Variants in SIPA1L1 observed in about 807,000 individuals in gnomAD.
SIPA1L1 encodes the protein signal induced proliferation associated 1 like 1.
In SIPA1L1, 26 loss-of-function variants were observed where a neutral mutation model predicts 162.7. The observed-to-expected ratio is 0.16, with a 90% CI of 0.12 to 0.22. The LOEUF (loss-of-function observed/expected upper bound fraction) is 0.22, where lower values mean the gene tolerates loss of function less well. Among genes scored for constraint, SIPA1L1 ranks in the 10% least tolerant of loss-of-function variants. The pLI is 1.00. For synonymous variants in SIPA1L1, 829 were observed against 837.4 expected (o/e 0.99, Z 0.17); for missense variants, 1,874 against 2,241.0 (o/e 0.84, Z 3.31).
At chr14:71,536,022 G>T (rs1045575470) in intron 4 of SIPA1L1, among the ~76,000 whole-genome samples, 1 of 151,276 alleles carries the variant, frequency 6.6e-6, no homozygotes, top group Non-Finnish European at 1.5e-5. Context: ...GCAGCTTCAC[G>T]TAACTTAACA....
intron 2 of SIPA1L1, among the ~76,000 whole-genome samples, chr14:71,455,729 A>G (rs1421856744): frequency 6.6e-6 from 1 of 152,192 alleles, no homozygotes; most frequent in East Asian, 1.9e-4. Context: ...ATTGGTTTCT[A>G]CAAGGTCACA....
At chr14:71,715,495 G>A (rs1192189311) in intron 17 of SIPA1L1, among the ~76,000 whole-genome samples, 1 of 152,212 alleles carries the variant, frequency 6.6e-6, no homozygotes, top group Non-Finnish European at 1.5e-5. Context: ...AAACTCAGTG[G>A]CTAATGGATA....
At chr14:71,488,694 G>A (rs1481798898) in intron 2 of SIPA1L1, among the ~76,000 whole-genome samples, 1 of 152,162 alleles carries the variant, frequency 6.6e-6, no homozygotes, top group Non-Finnish European at 1.5e-5. Context: ...TTGTCACTGA[G>A]ACTCTTGGTC....
At chr14:71,382,120 A>G (rs916302547) in intron 2 of SIPA1L1, among the ~76,000 whole-genome samples, 1 of 152,192 alleles carries the variant, frequency 6.6e-6, no homozygotes, top group Non-Finnish European at 1.5e-5. Flanking sequence ...TGCTAATTAA[A>G]GTTTAGAATT....
chr14:71,444,849 T>C (rs1252019137), intron 2 of SIPA1L1, among the ~76,000 whole-genome samples: 4 of 152,168 alleles, frequency 2.6e-5, no homozygotes, highest in Non-Finnish European at 5.9e-5. Context: ...TGGAATGTTA[T>C]AAAGAAGCTG....
At position 71,356,567 on chromosome 14, in the gene SIPA1L1, C is replaced by CAA. The variant is rs71105772; in HGVS notation, c.-465+35405_-465+35406dup. ...GCAACATAGCAAGACCTTGTCTCTA[C>CAA]AAAAAAAAAAAAAAAAAAAAGCACA... On this transcript the variant is annotated intron_variant, in intron 2 of 23. Coordinates refer to ENST00000381232, the MANE Select transcript of SIPA1L1 (RefSeq NM_001386936.1). 6.9e-4 allele frequency among the ~76,000 whole-genome samples: 27 copies of CAA among 39,158 alleles called. 4 individuals are homozygous for CAA. Among genetic ancestry groups the CAA allele is most frequent in the South Asian group, 1.3e-3 (1 of 786 alleles). The allele number at this position is 39,158 out of a possible 152,430, so 25.7% of individuals were successfully genotyped here.
intron 5 of SIPA1L1, among the ~76,000 whole-genome samples, chr14:71,614,149 C>T (rs917995502): frequency 6.0e-5 from 9 of 150,822 alleles, no homozygotes; most frequent in African/African-American, 1.5e-4. Context: ...ACCCAGGAGG[C>T]GGAGGTTGCA....
rs767200386 is a variant in SIPA1L1, at chr14:71,671,456, G to T, written c.2593G>T (p.Ala865Ser). Reference sequence around the variant, plus strand: ...GGGGGCCATTGTATGGGCAGTCCGGGCTGAAGACTACAACAAGGCCATGGA... The same window carrying T: ...GGGGGCCATTGTATGGGCAGTCCGGTCTGAAGACTACAACAAGGCCATGGA... ...SMGAIVWAVRAEDYNKAMELD... is the reference protein window; with the variant it reads ...SMGAIVWAVRSEDYNKAMELD... The change falls in exon 11 of 24, where the codon GCT becomes TCT. Residue 865 changes from alanine to serine, a missense_variant. Around this residue, in one of 5 missense-constraint regions of SIPA1L1, gnomAD observed 243 missense variants for 315.0 expected, o/e 0.77. Transcript: ENST00000381232. 13 of 1,614,034 alleles carry T rather than the reference G, an allele frequency of 8.1e-6. 2 individuals are homozygous for T. The South Asian group carries it at 1.1e-4, about 14-fold the overall frequency.
chr14:71,691,399 C>T (rs1419842336), intron 13 of SIPA1L1, among the ~76,000 whole-genome samples: 1 of 152,076 alleles, frequency 6.6e-6, no homozygotes, highest in East Asian at 1.9e-4. Context: ...CAAGACCAGC[C>T]TGGGCAACAT....
At chr14:71,665,203 A>G (rs1224108812) in intron 10 of SIPA1L1, among the ~76,000 whole-genome samples, 2 of 152,194 alleles carry the variant, frequency 1.3e-5, no homozygotes, top group East Asian at 1.9e-4. Context: ...CCCTTAGCAT[A>G]TATGTGCTAG....
chr14:71,438,656 T>C (rs1256134334), intron 2 of SIPA1L1, among the ~76,000 whole-genome samples: 1 of 152,184 alleles, frequency 6.6e-6, no homozygotes, highest in Non-Finnish European at 1.5e-5. Flanking sequence ...AAAAATTGTT[T>C]GTGCAGAATT....
intron 4 of SIPA1L1, among the ~76,000 whole-genome samples, chr14:71,541,645 C>A (rs943618610): frequency 6.6e-6 from 1 of 152,100 alleles, no homozygotes; most frequent in African/African-American, 2.4e-5. Context: ...TGTTGGCACA[C>A]ACCTGTAGTC....
At chr14:71,589,473 A>C (rs1467996128) in intron 5 of SIPA1L1, 103 bp downstream of exon 5, 2 of 674,836 alleles carry the variant, frequency 3.0e-6, no homozygotes, top group South Asian at 5.1e-5. Flanking sequence ...TAAGATTTGC[A>C]TGTCTTATCT....
rs1390446438 is a variant in SIPA1L1, at chr14:71,506,785, A to ATTAT, written c.-464-5956_-464-5953dup. On this transcript the variant is annotated intron_variant, in intron 2 of 23. Transcript: ENST00000381232. ...ATATTTCTCTATGAATTCTCTCCAT[A>ATTAT]TTATTATCTCACATTTATCTATTTT... Among the ~76,000 whole-genome samples the ATTAT allele has an allele frequency of 2.7e-5, 4 of 147,560 alleles. No individual in the cohort carries two copies. In the East Asian group the frequency reaches 7.9e-4, roughly 29 times the overall value.
intron 2 of SIPA1L1, among the ~76,000 whole-genome samples, chr14:71,384,127 T>A: frequency 6.6e-6 from 1 of 152,164 alleles, no homozygotes; most frequent in Non-Finnish European, 1.5e-5. Flanking sequence ...TGTACATACT[T>A]TTCATGTCCC....
At chr14:71,363,947 A>G in intron 2 of SIPA1L1, among the ~76,000 whole-genome samples, 1 of 152,184 alleles carries the variant, frequency 6.6e-6, no homozygotes, top group Non-Finnish European at 1.5e-5. Context: ...CCCTTGCTAG[A>G]ACACTTCAGG....
chr14:71,583,973 T>C (rs1401031382), intron 4 of SIPA1L1, among the ~76,000 whole-genome samples: 1 of 152,184 alleles, frequency 6.6e-6, no homozygotes, highest in Non-Finnish European at 1.5e-5. Flanking sequence ...CAATCAACAC[T>C]CTGCTTTCCA....
intron 16 of SIPA1L1, among the ~76,000 whole-genome samples, chr14:71,706,532 A>G (rs2082450031): frequency 6.6e-6 from 1 of 152,228 alleles, no homozygotes; most frequent in South Asian, 2.1e-4. Flanking sequence ...CAAACCAGCC[A>G]TGTTAAAAGT....
chr14:71,733,068 G>A (rs934281693), intron 20 of SIPA1L1, among the ~76,000 whole-genome samples: 1 of 152,070 alleles, frequency 6.6e-6, no homozygotes, highest in African/African-American at 2.4e-5. Flanking sequence ...AAAATTAGCC[G>A]GGCATGGTGG....
Sources: gnomAD v4.1 joint callset for allele counts (sites outside exome capture counted in the v4.1 genomes callset) on GRCh38, gnomAD v4.1.1 for gene constraint, gnomAD v4.1.1 regional missense constraint, MANE v1.5 for transcripts, NCBI Gene and HGNC (gene_info 2026-07-23, HGNC 2026-07-21) for gene names.